LRFN2: variants seen among roughly 807,000 people sequenced by gnomAD.
LRFN2 encodes the protein leucine-rich repeat and fibronectin type-III domain-containing protein 2.
A neutral mutation model predicts 37.3 loss-of-function variants in LRFN2; 18 were observed. The ratio of observed to expected loss-of-function variants is 0.48; its 90% CI spans 0.33 to 0.72. LRFN2 has a LOEUF of 0.72. LRFN2 is among the 30% of genes least tolerant of loss of function. The probability of loss-of-function intolerance (pLI) is 0.02; values close to 1 mark genes in which losing one functional copy is unlikely to be tolerated. For synonymous variants in LRFN2, 556 were observed against 466.6 expected, an observed-to-expected ratio of 1.19 and a Z score of -2.47; for missense variants, 1,006 against 1,060.7, an observed-to-expected ratio of 0.95 and a Z score of 0.72.
At chr6:40,557,696 G>A (rs1766915916) in intron 1 of LRFN2, among the ~76,000 whole-genome samples, 1 of 152,194 alleles carries the variant, frequency 6.6e-6, no homozygotes, top group South Asian at 2.1e-4. Flanking sequence ...AAATGATTAA[G>A]TGTGCAGATC....
chr6:40,579,138 A>G (rs1767345708), intron 1 of LRFN2, among the ~76,000 whole-genome samples: 1 of 152,160 alleles, frequency 6.6e-6, no homozygotes. Flanking sequence ...ATCCTCATTC[A>G]CAGATTCTTG....
chr6:40,468,967 T>C (rs2113855477), intron 1 of LRFN2, among the ~76,000 whole-genome samples: 1 of 152,144 alleles, frequency 6.6e-6, no homozygotes, highest in South Asian at 2.1e-4. Context: ...CCCCAAAAGG[T>C]ATATCCACGT....
At chr6:40,491,667 G>A (rs903890502) in intron 1 of LRFN2, among the ~76,000 whole-genome samples, 5 of 141,810 alleles carry the variant, frequency 3.5e-5, no homozygotes, top group Non-Finnish European at 7.6e-5. Context: ...TGTGACTGTG[G>A]GTAGGTAGGC....
rs754903145 is a variant in LRFN2 at position 40,392,497 on chromosome 6, T to G, written c.1816A>C (p.Asn606His). The change falls in exon 3 of 3, where the codon AAC (asparagine) becomes CAC (histidine). Residue 606 changes from asparagine to histidine, a missense_variant. Asn to His is a moderately conservative substitution (Grantham distance 68). Coordinates refer to ENST00000338305, the MANE Select transcript of LRFN2 (RefSeq NM_020737.3). The surrounding 1 kb of genome is among the most constrained non-coding windows in gnomAD (Gnocchi z 4.7). ...CTGGCGGTGAAGTCCAGGAGCTCGT[T>G]GCGCACCACCACCTTCGGCGGGCCC... ...PQGPPKVVVRNELLDFTASLA... is the reference protein window; with the variant it reads ...PQGPPKVVVRHELLDFTASLA... 2 of 1,582,298 alleles carry G rather than the reference T, an allele frequency of 1.3e-6. No individual in the cohort carries two copies. Among genetic ancestry groups the G allele is most frequent in the African/African-American group, 1.3e-5 (1 of 74,090 alleles).
At chr6:40,487,165 C>G (rs1316580290) in intron 1 of LRFN2, among the ~76,000 whole-genome samples, 1 of 152,164 alleles carries the variant, frequency 6.6e-6, no homozygotes, top group African/African-American at 2.4e-5. Context: ...TTCTGGGTCC[C>G]CTTCCTCTCA....
chr6:40,419,772 C>T (rs1357685743), intron 2 of LRFN2, among the ~76,000 whole-genome samples: 1 of 152,110 alleles, frequency 6.6e-6, no homozygotes, highest in Non-Finnish European at 1.5e-5. Flanking sequence ...ACCTTAACCC[C>T]AGGACACAGC....
At chr6:40,484,119 C>T (rs1764897253) in intron 1 of LRFN2, among the ~76,000 whole-genome samples, 1 of 152,226 alleles carries the variant, frequency 6.6e-6, no homozygotes, top group South Asian at 2.1e-4. Flanking sequence ...CTATGCCCTT[C>T]TTGTCACCTC....
chr6:40,445,314 G>A (rs1023195533), intron 1 of LRFN2, among the ~76,000 whole-genome samples: 5 of 152,202 alleles, frequency 3.3e-5, no homozygotes, highest in Admixed American at 1.3e-4. Flanking sequence ...TCCACACCTT[G>A]TTCAATAACT....
intron 1 of LRFN2, among the ~76,000 whole-genome samples, chr6:40,476,938 G>A (rs1186963192): frequency 6.6e-6 from 1 of 152,186 alleles, no homozygotes; most frequent in Non-Finnish European, 1.5e-5. Flanking sequence ...AATATCTCAG[G>A]CCTGCTACAA....
At chr6:40,441,771 T>C (rs752280023) in intron 1 of LRFN2, among the ~76,000 whole-genome samples, 9 of 152,064 alleles carry the variant, frequency 5.9e-5, no homozygotes, top group Non-Finnish European at 1.0e-4. Flanking sequence ...CACAATGAGA[T>C]TTTTGCTTTG....
At chr6:40,519,555 A>G (rs1477638221) in intron 1 of LRFN2, among the ~76,000 whole-genome samples, 1 of 152,196 alleles carries the variant, frequency 6.6e-6, no homozygotes, top group Non-Finnish European at 1.5e-5. Context: ...TGCCTCCACT[A>G]TGGCCATGAC....
chr6:40,524,811 G>A (rs1766201168), intron 1 of LRFN2, among the ~76,000 whole-genome samples: 1 of 152,140 alleles, frequency 6.6e-6, no homozygotes, highest in Non-Finnish European at 1.5e-5. Context: ...TTCTTATCCT[G>A]AACCTCCACC....
chr6:40,391,901 C>T lies in LRFN2; in HGVS notation c.*42G>A. Reference sequence around the variant, plus strand: ...CTTGCCAGTGAGATTCTTTCCCCTTCTCCCACCCTGCGCACAGGAAAGGGA... The same window carrying T: ...CTTGCCAGTGAGATTCTTTCCCCTTTTCCCACCCTGCGCACAGGAAAGGGA... On this transcript the variant is annotated 3_prime_UTR_variant, in exon 3 of 3. Coordinates refer to ENST00000338305, the MANE Select transcript of LRFN2 (RefSeq NM_020737.3). 2 of 1,482,394 alleles carry T rather than the reference C, an allele frequency of 1.3e-6. No homozygotes were observed. The highest frequency in any genetic ancestry group is 1.4e-5 in the African/African-American group (1 of 69,700). 91.8% of individuals were successfully genotyped at this position (1,482,394 alleles called of 1,614,324 possible).
intron 2 of LRFN2, among the ~76,000 whole-genome samples, chr6:40,407,119 C>T (rs894198746): frequency 1.1e-4 from 16 of 152,210 alleles, no homozygotes; most frequent in Admixed American, 2.6e-4. Flanking sequence ...AGTGTCCCCA[C>T]GACTGCAGGC....
chr6:40,567,278 G>C (rs1456127140), intron 1 of LRFN2, among the ~76,000 whole-genome samples: 1 of 152,136 alleles, frequency 6.6e-6, no homozygotes, highest in Non-Finnish European at 1.5e-5. Context: ...AAAGAAAAAG[G>C]CACTTTTTCT....
intron 1 of LRFN2, among the ~76,000 whole-genome samples, chr6:40,559,347 C>A (rs1766950848): frequency 6.6e-6 from 1 of 152,168 alleles, no homozygotes; most frequent in Non-Finnish European, 1.5e-5. Context: ...CTGTTTGAGA[C>A]ATTACTTTGA....
intron 2 of LRFN2, among the ~76,000 whole-genome samples, chr6:40,409,499 G>A (rs897390452): frequency 6.6e-5 from 10 of 152,194 alleles, no homozygotes; most frequent in African/African-American, 2.4e-4. Flanking sequence ...AAGAAGCCAT[G>A]ATGATGTTTG....
chr6:40,415,877 GAGAA>G (rs1344548729), intron 2 of LRFN2, among the ~76,000 whole-genome samples: 2 of 152,232 alleles, frequency 1.3e-5, no homozygotes, highest in African/African-American at 4.8e-5. Flanking sequence ...GGGTGAAACT[GAGAA>G]TTATGTTCAA....
intron 1 of LRFN2, among the ~76,000 whole-genome samples, chr6:40,493,713 C>T (rs892172327): frequency 1.2e-4 from 18 of 152,246 alleles, no homozygotes; most frequent in African/African-American, 4.3e-4. Flanking sequence ...CTCAACTAGA[C>T]TGATGTCTTG....
Sources: allele counts gnomAD v4.1 joint callset (sites outside exome capture counted in the v4.1 genomes callset), GRCh38; gene constraint gnomAD v4.1.1; non-coding constraint Gnocchi (gnomAD v3.1); transcripts MANE v1.5; gene names NCBI Gene and HGNC (gene_info 2026-07-23, HGNC 2026-07-21).